The following FOXN3 variants were observed in gnomAD, a reference collection of about 807,000 sequenced individuals.
FOXN3 encodes the protein forkhead box N3, also known as forkhead box protein N3.
A neutral mutation model predicts 38.4 loss-of-function variants in FOXN3; 7 were observed. The ratio of observed to expected loss-of-function variants is 0.18; its 90% confidence interval spans 0.10 to 0.34. The LOEUF (loss-of-function observed/expected upper bound fraction) is 0.34. Ranked by LOEUF, FOXN3 falls within the 10% of genes least tolerant of loss-of-function variation. The pLI is 1.00. For synonymous variants in FOXN3, 230 were observed against 242.2 expected (o/e 0.95, Z 0.47); for missense variants, 456 against 613.4 (o/e 0.74, Z 2.71).
chr14:89,423,869 C>G (rs187106295), intron 1 of FOXN3, among the ~76,000 whole-genome samples: 149 of 152,300 alleles, frequency 9.8e-4, no homozygotes, highest in African/African-American at 3.3e-3. Context: ...TTTCCAACTT[C>G]TAGGAATTTA....
chr14:89,240,358 G>A (rs968605234), intron 4 of FOXN3, among the ~76,000 whole-genome samples: 8 of 152,068 alleles, frequency 5.3e-5, no homozygotes, highest in Non-Finnish European at 7.4e-5. Context: ...TTCCAGTTAA[G>A]GAAATAAATA....
intron 5 of FOXN3, among the ~76,000 whole-genome samples, chr14:89,172,763 C>T (rs184971776): frequency 3.5e-4 from 54 of 152,264 alleles, no homozygotes; most frequent in Non-Finnish European, 4.3e-4. Context: ...AAAAGAGGGG[C>T]TACTTAATAA....
intron 3 of FOXN3, among the ~76,000 whole-genome samples, chr14:89,304,066 C>A (rs935522782): frequency 5.3e-5 from 8 of 152,222 alleles, no homozygotes; most frequent in Non-Finnish European, 1.2e-4. Context: ...CCGGTGATCA[C>A]TCTGCTAAAA....
intron 4 of FOXN3, among the ~76,000 whole-genome samples, chr14:89,246,630 C>T (rs1376693456): frequency 6.8e-6 from 1 of 147,228 alleles, no homozygotes; most frequent in Non-Finnish European, 1.5e-5. Context: ...ACCTCTGCCT[C>T]CTGGGTTCAA....
intron 4 of FOXN3, among the ~76,000 whole-genome samples, chr14:89,270,167 T>C (rs1015981363): frequency 3.9e-5 from 6 of 152,314 alleles, no homozygotes; most frequent in Admixed American, 6.5e-5. Flanking sequence ...TCAGAAAGGA[T>C]AGCCAGTCAG....
chr14:89,328,034 T>C (rs1481158268), intron 3 of FOXN3, among the ~76,000 whole-genome samples: 1 of 152,232 alleles, frequency 6.6e-6, no homozygotes, highest in Non-Finnish European at 1.5e-5. Flanking sequence ...CCTTCCAAAA[T>C]GTCACCACTG....
intron 3 of FOXN3, among the ~76,000 whole-genome samples, chr14:89,318,450 C>T (rs554079324): frequency 6.6e-6 from 1 of 152,282 alleles, no homozygotes; most frequent in East Asian, 1.9e-4. Context: ...TGAGCCAACA[C>T]ACCCGGCCCC....
chr14:89,555,882 G>GGTGTGTGT (rs1555360151), intron 1 of FOXN3, among the ~76,000 whole-genome samples: 2 of 104,602 alleles, frequency 1.9e-5, no homozygotes, highest in African/African-American at 3.2e-5. Context: ...TGTGTATGTG[G>GGTGTGTGT]GGGTGTATGT....
At chr14:89,410,886 G>T (rs7143792) in intron 2 of FOXN3, among the ~76,000 whole-genome samples, 1 of 145,836 alleles carries the variant, frequency 6.9e-6, no homozygotes. Flanking sequence ...AAAAAAAGAG[G>T]AAAAAAAAGA....
At chr14:89,433,520 T>G (rs959531991) in intron 1 of FOXN3, among the ~76,000 whole-genome samples, 2 of 149,888 alleles carry the variant, frequency 1.3e-5, no homozygotes, top group Non-Finnish European at 3.0e-5. Context: ...AATACAAAAA[T>G]TAGGCTGGGT....
rs567218307 is a variant in FOXN3, at chr14:89,164,163, T to C, written c.852-1194A>G. Among the ~76,000 whole-genome samples, 5 of 152,332 alleles carry C rather than the reference T, an allele frequency of 3.3e-5. No homozygotes were observed. In the South Asian group the frequency reaches 1.0e-3, roughly 32 times the overall value. On this transcript the variant is annotated intron_variant, in intron 5 of 5. Transcript: ENST00000557258. The surrounding 1 kb of genome is among the most constrained non-coding windows in gnomAD (Gnocchi z 4.3). Reference sequence around the variant, plus strand: ...TATTCCTGGTTAGGACCCATGCTCCTTATGTCTGGGAGGCAGCTGCCTGTC... The same window carrying C: ...TATTCCTGGTTAGGACCCATGCTCCCTATGTCTGGGAGGCAGCTGCCTGTC...
At chr14:89,450,053 C>G (rs892100998) in intron 1 of FOXN3, among the ~76,000 whole-genome samples, 3 of 152,156 alleles carry the variant, frequency 2.0e-5, no homozygotes, top group Non-Finnish European at 2.9e-5. Flanking sequence ...CTGGTGGGAC[C>G]CACTTGTTGC....
intron 1 of FOXN3, among the ~76,000 whole-genome samples, chr14:89,440,662 C>G (rs1038517347): frequency 3.9e-5 from 6 of 152,174 alleles, no homozygotes; most frequent in Non-Finnish European, 8.8e-5. Context: ...TTTACCTACC[C>G]AAATCCTATA....
At chr14:89,285,105 T>G (rs1886582294) in intron 3 of FOXN3, among the ~76,000 whole-genome samples, 1 of 152,134 alleles carries the variant, frequency 6.6e-6, no homozygotes, top group African/African-American at 2.4e-5. Context: ...CCCTGGAAGG[T>G]TCCGCCAAGA....
chr14:89,322,438 G>A (rs936465084), intron 3 of FOXN3, among the ~76,000 whole-genome samples: 4 of 152,154 alleles, frequency 2.6e-5, no homozygotes, highest in Non-Finnish European at 5.9e-5. Context: ...ACACAACTTG[G>A]AGTCTACTGA....
At chr14:89,547,633 T>C (rs765704430) in intron 1 of FOXN3, among the ~76,000 whole-genome samples, 6 of 152,170 alleles carry the variant, frequency 3.9e-5, no homozygotes, top group Non-Finnish European at 7.3e-5. Context: ...TCCCATTTGT[T>C]TCCTATCTAG....
chr14:89,300,498 T>G (rs901247497), intron 3 of FOXN3, among the ~76,000 whole-genome samples: 1 of 152,230 alleles, frequency 6.6e-6, no homozygotes, highest in Non-Finnish European at 1.5e-5. Flanking sequence ...TGTATATGTT[T>G]TAATCCAAGT....
intron 3 of FOXN3, among the ~76,000 whole-genome samples, chr14:89,289,609 T>C (rs955279625): frequency 6.6e-6 from 1 of 152,226 alleles, no homozygotes; most frequent in African/African-American, 2.4e-5. Flanking sequence ...TTTATACTTT[T>C]GGTTTTTAGT....
intron 1 of FOXN3, among the ~76,000 whole-genome samples, chr14:89,466,573 C>T (rs2139737847): frequency 6.6e-6 from 1 of 152,244 alleles, no homozygotes; most frequent in South Asian, 2.1e-4. Flanking sequence ...AAGACCTTGC[C>T]CACCAGGAGC....
Sources: gnomAD v4.1 joint callset for allele counts (sites outside exome capture counted in the v4.1 genomes callset) on GRCh38, gnomAD v4.1.1 for gene constraint, Gnocchi (gnomAD v3.1) non-coding constraint, MANE v1.5 for transcripts, NCBI Gene and HGNC (gene_info 2026-07-23, HGNC 2026-07-21) for gene names.